PBX3: variants seen among roughly 807,000 people sequenced by gnomAD.
PBX3 encodes the protein PBX homeobox 3, also known as pre-B-cell leukemia transcription factor 3.
Under a neutral mutation model 48.5 loss-of-function variants are expected in PBX3, and 14 were observed. That is an observed-to-expected ratio of 0.29 (90% CI 0.19 to 0.45). The LOEUF (loss-of-function observed/expected upper bound fraction) is 0.45, where lower values mean the gene tolerates loss of function less well. Among genes scored for constraint, PBX3 ranks in the 20% least tolerant of loss-of-function variants. PBX3 has a pLI of 1.00. For missense variants in PBX3, 386 were observed against 546.7 expected, an observed-to-expected ratio of 0.71 and a Z score of 2.93; for synonymous variants, 210 against 200.3, an observed-to-expected ratio of 1.05 and a Z score of -0.41.
At chr9:125,964,126 GA>G (rs1481710705) in intron 8 of PBX3, among the ~76,000 whole-genome samples, 3 of 152,144 alleles carry the variant, frequency 2.0e-5, no homozygotes, top group Non-Finnish European at 4.4e-5. Context: ...TTACAGACAT[GA>G]ATTCCATCTT....
At chr9:125,822,526 C>A (rs1246454770) in intron 2 of PBX3, among the ~76,000 whole-genome samples, 1 of 152,076 alleles carries the variant, frequency 6.6e-6, no homozygotes. Flanking sequence ...AAATAATACT[C>A]TTTCTTTAGA....
chr9:125,868,340 T>A (rs1233469347), intron 2 of PBX3, among the ~76,000 whole-genome samples: 3 of 152,226 alleles, frequency 2.0e-5, no homozygotes, highest in African/African-American at 4.8e-5. Context: ...TTATTTACAT[T>A]TGAAAATAGA....
At chr9:125,748,253 C>T (rs1237587069) in intron 1 of PBX3, 2 of 1,050,882 alleles carry the variant, frequency 1.9e-6, no homozygotes, top group East Asian at 7.9e-5. Flanking sequence ...TCCCCCGGGT[C>T]GCCTTCGCCT....
chr9:125,846,696 C>T (rs957038803), intron 2 of PBX3, among the ~76,000 whole-genome samples: 1 of 151,956 alleles, frequency 6.6e-6, no homozygotes, highest in Non-Finnish European at 1.5e-5. Context: ...TATTATTTCA[C>T]CTGTAAATAT....
intron 5 of PBX3, chr9:125,949,493 G>C: frequency 6.5e-7 from 1 of 1,550,052 alleles, no homozygotes; most frequent in Non-Finnish European, 8.7e-7. Context: ...GCATGAGGGT[G>C]TGTCTGTTCT....
At chr9:125,864,683 G>A (rs1839939046) in intron 2 of PBX3, among the ~76,000 whole-genome samples, 1 of 152,186 alleles carries the variant, frequency 6.6e-6, no homozygotes, top group Non-Finnish European at 1.5e-5. Flanking sequence ...AGAATCTAAT[G>A]CCTCTGCTGA....
At chr9:125,856,051 C>G (rs1219871682) in intron 2 of PBX3, among the ~76,000 whole-genome samples, 3 of 151,150 alleles carry the variant, frequency 2.0e-5, no homozygotes, top group African/African-American at 7.3e-5. Context: ...CAAACCATAG[C>G]CTTATTGGAA....
chr9:125,834,491 A>G (rs7864299), intron 2 of PBX3, among the ~76,000 whole-genome samples: 80,194 of 151,170 alleles, frequency 0.53, 22,490 homozygotes, highest in South Asian at 0.63. Context: ...TCCACCTCCC[A>G]GGCTCAAGGG....
chr9:125,873,230 C>T (rs1287206282), intron 2 of PBX3, among the ~76,000 whole-genome samples: 14 of 151,522 alleles, frequency 9.2e-5, no homozygotes, highest in African/African-American at 3.4e-4. Context: ...GACAGAATTT[C>T]AAGGAGAAAT....
intron 2 of PBX3, among the ~76,000 whole-genome samples, chr9:125,810,514 C>T (rs1228399177): frequency 6.6e-6 from 1 of 151,974 alleles, no homozygotes; most frequent in Non-Finnish European, 1.5e-5. Flanking sequence ...TCCATGATTT[C>T]CACTTCTAAA....
intron 3 of PBX3, among the ~76,000 whole-genome samples, chr9:125,924,768 T>C (rs1841534561): frequency 6.6e-6 from 1 of 152,216 alleles, no homozygotes; most frequent in Admixed American, 6.5e-5. Flanking sequence ...AAGCTTACAA[T>C]GGTGGATGCA....
At chr9:125,770,129 A>G (rs983916457) in intron 2 of PBX3, among the ~76,000 whole-genome samples, 5 of 152,324 alleles carry the variant, frequency 3.3e-5, no homozygotes, top group South Asian at 2.1e-4. Context: ...GGGGATGTAC[A>G]TTGCAGTGTA....
At chr9:125,951,977 A>G (rs1212187448) in intron 5 of PBX3, among the ~76,000 whole-genome samples, 1 of 152,228 alleles carries the variant, frequency 6.6e-6, no homozygotes, top group East Asian at 1.9e-4. Flanking sequence ...AAAATTGAAC[A>G]GTATCTGGCT....
intron 2 of PBX3, among the ~76,000 whole-genome samples, chr9:125,850,020 G>A (rs1209917475): frequency 6.6e-6 from 1 of 151,882 alleles, no homozygotes; most frequent in Non-Finnish European, 1.5e-5. Flanking sequence ...AAACCATCAG[G>A]CTTTTCAAGT....
intron 2 of PBX3, chr9:125,749,397 A>G (rs566047113): frequency 6.6e-5 from 10 of 152,270 alleles, no homozygotes; most frequent in Non-Finnish European, 1.3e-4. Context: ...TTCTTGTCAG[A>G]CTTTATTAAT....
At chr9:125,855,557 C>G (rs1839698343) in intron 2 of PBX3, among the ~76,000 whole-genome samples, 1 of 151,882 alleles carries the variant, frequency 6.6e-6, no homozygotes, top group African/African-American at 2.4e-5. Context: ...ATAAATATCC[C>G]TTCATCAAAT....
rs574160715 is a variant in PBX3, at chr9:125,805,807, T to G, written c.274+57184T>G. On this transcript the variant is annotated intron_variant, in intron 2 of 8. Coordinates refer to ENST00000373489, the MANE Select transcript of PBX3 (RefSeq NM_006195.6). ...AATGATGAATTCCATTTTGAGCATG[T>G]TAAGTTTGGATTGCCTGTGGTTCAT... Among the ~76,000 whole-genome samples the G allele has an allele frequency of 2.0e-5, 3 of 152,288 alleles. No individual in the cohort carries two copies. The South Asian group carries it at 6.2e-4, about 32-fold the overall frequency.
At chr9:125,758,776 A>C (rs886075762) in intron 2 of PBX3, among the ~76,000 whole-genome samples, 3 of 152,116 alleles carry the variant, frequency 2.0e-5, no homozygotes, top group African/African-American at 7.2e-5. Context: ...TTATTGAGCA[A>C]TGTCTGTGTG....
At chr9:125,786,407 C>T (rs999548258) in intron 2 of PBX3, among the ~76,000 whole-genome samples, 2 of 152,034 alleles carry the variant, frequency 1.3e-5, no homozygotes, top group Non-Finnish European at 2.9e-5. Flanking sequence ...GAAAGGTGTT[C>T]TTATCATAAG....
Sources: gnomAD v4.1 joint callset for allele counts (sites outside exome capture counted in the v4.1 genomes callset) on GRCh38, gnomAD v4.1.1 for gene constraint, MANE v1.5 for transcripts, NCBI Gene and HGNC (gene_info 2026-07-23, HGNC 2026-07-21) for gene names.